The following SPOPL variants were observed in gnomAD, a reference collection of about 807,000 sequenced individuals.
The protein encoded by SPOPL is speckle-type POZ protein-like.
A neutral mutation model predicts 53.8 loss-of-function variants in SPOPL; 23 were observed. That is an observed-to-expected ratio of 0.43 (90% CI 0.31 to 0.61). The LOEUF is 0.61. SPOPL is among the 20% of genes least tolerant of loss of function. The pLI, the probability that SPOPL is intolerant of heterozygous loss-of-function variation, is 0.12. For missense variants in SPOPL, 442 were observed against 466.9 expected, an observed-to-expected ratio of 0.95 and a Z score of 0.49; for synonymous variants, 164 against 149.7, an observed-to-expected ratio of 1.10 and a Z score of -0.70.
At chr2:138,541,006 G>A (rs1685059743) in intron 1 of SPOPL, among the ~76,000 whole-genome samples, 1 of 152,002 alleles carries the variant, frequency 6.6e-6, no homozygotes, top group African/African-American at 2.4e-5. Context: ...ATAATCATAT[G>A]GTTTTTTTCA....
At chr2:138,524,787 T>C (rs1684633430) in intron 1 of SPOPL, among the ~76,000 whole-genome samples, 1 of 152,232 alleles carries the variant, frequency 6.6e-6, no homozygotes, top group African/African-American at 2.4e-5. Flanking sequence ...CTGGATTTCA[T>C]TGTCCATATC....
intron 1 of SPOPL, among the ~76,000 whole-genome samples, chr2:138,507,880 G>A (rs954266613): frequency 4.6e-5 from 7 of 152,072 alleles, no homozygotes; most frequent in South Asian, 2.1e-4. Flanking sequence ...TACATTATAT[G>A]TATTAAATCT....
At chr2:138,554,388 T>C (rs1332795447) in intron 5 of SPOPL, 3 of 1,068,540 alleles carry the variant, frequency 2.8e-6, no homozygotes, top group Non-Finnish European at 3.6e-6. Flanking sequence ...ACATTCTTCA[T>C]GCCCTCCACT....
At chr2:138,516,486 A>T (rs1346499287) in intron 1 of SPOPL, among the ~76,000 whole-genome samples, 2 of 152,228 alleles carry the variant, frequency 1.3e-5, no homozygotes, top group East Asian at 3.8e-4. Context: ...TTTGGAAAAG[A>T]TTGCTATAAT....
intron 1 of SPOPL, among the ~76,000 whole-genome samples, chr2:138,524,755 C>T (rs1684633040): frequency 6.6e-6 from 1 of 152,244 alleles, no homozygotes; most frequent in African/African-American, 2.4e-5. Context: ...CATTCCTCAT[C>T]TCCATCTGAG....
chr2:138,545,473 GC>G (rs1311930860), intron 1 of SPOPL, among the ~76,000 whole-genome samples: 1 of 150,672 alleles, frequency 6.6e-6, no homozygotes, highest in Non-Finnish European at 1.5e-5. Flanking sequence ...TTGCTCTGTC[GC>G]CCAGGCTGGA....
intron 10 of SPOPL, 78 bp from the exon 11 acceptor site, chr2:138,568,858 G>C: frequency 6.7e-7 from 1 of 1,491,372 alleles, no homozygotes; most frequent in Non-Finnish European, 9.1e-7. Context: ...AAATTTGCAA[G>C]TTTTTAAGAA....
intron 8 of SPOPL, among the ~76,000 whole-genome samples, chr2:138,561,836 C>T (rs1685555766): frequency 6.6e-6 from 1 of 151,924 alleles, no homozygotes; most frequent in African/African-American, 2.4e-5. Flanking sequence ...ATGATAGTAC[C>T]CAATAATAGG....
intron 1 of SPOPL, among the ~76,000 whole-genome samples, chr2:138,515,051 A>T (rs570284089): frequency 1.3e-5 from 2 of 152,332 alleles, no homozygotes; most frequent in South Asian, 2.1e-4. Context: ...CTATCAGATG[A>T]TTCTGGTCAC....
chr2:138,535,982 A>G (rs906517630), intron 1 of SPOPL, among the ~76,000 whole-genome samples: 8 of 152,154 alleles, frequency 5.3e-5, no homozygotes, highest in Admixed American at 2.6e-4. Context: ...CTTTTAAAAA[A>G]AATAACCTTT....
At chr2:138,514,348 C>T (rs909970353) in intron 1 of SPOPL, among the ~76,000 whole-genome samples, 3 of 152,164 alleles carry the variant, frequency 2.0e-5, no homozygotes, top group African/African-American at 7.2e-5. Context: ...TCTGATTTGC[C>T]TCTCAGAAGG....
intron 1 of SPOPL, among the ~76,000 whole-genome samples, chr2:138,545,174 G>T (rs1368963436): frequency 1.3e-5 from 2 of 152,150 alleles, no homozygotes; most frequent in Admixed American, 1.3e-4. Flanking sequence ...GGAATTGCCA[G>T]ACTGGTCAAA....
intron 8 of SPOPL, among the ~76,000 whole-genome samples, chr2:138,563,722 G>T (rs1386842206): frequency 6.6e-6 from 1 of 152,190 alleles, no homozygotes. Context: ...CAGTTTCTCA[G>T]AAAGTTAAAC....
chr2:138,529,043 C>T (rs935232064), intron 1 of SPOPL, among the ~76,000 whole-genome samples: 3 of 152,112 alleles, frequency 2.0e-5, no homozygotes, highest in Non-Finnish European at 2.9e-5. Context: ...TTTTAGATAG[C>T]CCCTTCCTTA....
chr2:138,536,319 T>C (rs1401707336), intron 1 of SPOPL, among the ~76,000 whole-genome samples: 2 of 150,446 alleles, frequency 1.3e-5, no homozygotes, highest in African/African-American at 2.5e-5. Flanking sequence ...TGGACTGTTT[T>C]AGTGGAGTCT....
At chr2:138,505,594 T>TAAAAAAAAAAAA (rs1169614974) in intron 1 of SPOPL, among the ~76,000 whole-genome samples, 1 of 75,086 alleles carries the variant, frequency 1.3e-5, no homozygotes, top group African/African-American at 7.0e-5. Context: ...GTGTCTCTTC[T>TAAAAAAAAAAAA]AAAAAAAAAA....
chr2:138,540,093 C>T (rs1685034836), intron 1 of SPOPL, among the ~76,000 whole-genome samples: 1 of 152,118 alleles, frequency 6.6e-6, no homozygotes, highest in Admixed American at 6.5e-5. Flanking sequence ...CTGTTCTGTT[C>T]CGTTGGTCTA....
intron 1 of SPOPL, among the ~76,000 whole-genome samples, chr2:138,542,849 G>T (rs1222355227): frequency 6.6e-6 from 1 of 152,154 alleles, no homozygotes; most frequent in Non-Finnish European, 1.5e-5. Context: ...TTTACAGTTT[G>T]GCATGTTTGT....
At chr2:138,546,495 C>G (rs1030376764) in intron 1 of SPOPL, among the ~76,000 whole-genome samples, 3 of 152,192 alleles carry the variant, frequency 2.0e-5, no homozygotes, top group African/African-American at 7.2e-5. Flanking sequence ...CTGGAAATAG[C>G]ACTGAAGTGG....
Sources: gnomAD v4.1 joint callset for allele counts (sites outside exome capture counted in the v4.1 genomes callset) on GRCh38, gnomAD v4.1.1 for gene constraint, MANE v1.5 for transcripts, NCBI Gene and HGNC (gene_info 2026-07-23, HGNC 2026-07-21) for gene names.